Variants in WDR81 observed in about 807,000 individuals in gnomAD.
The protein encoded by WDR81 is WD repeat domain 81.
A neutral mutation model predicts 140.8 loss-of-function variants in WDR81; 92 were observed. The observed-to-expected ratio is 0.65, with a 90% CI of 0.55 to 0.78. The LOEUF is 0.78. Ranked by LOEUF, WDR81 falls within the 30% of genes least tolerant of loss-of-function variation. WDR81 has a pLI of 0.00. For missense variants in WDR81, 2,502 were observed against 2,636.4 expected (o/e 0.95, Z 1.12); for synonymous variants, 1,183 against 1,156.4 (o/e 1.02, Z -0.47).
At position 1,726,480 on chromosome 17, in the gene WDR81, C is replaced by A; in HGVS notation, c.1521C>A (p.Pro507=). ...CCTCTATCTTCCGCTCCATCCACCC[C>A]GACATGCCTGACCTGGATGTGCCAG... The part of the protein sequence containing the change: ...TDPSIFRSIH[P]DMPDLDVPAW... The change falls in exon 1 of 10, where the codon CCC becomes CCA. Residue 507 remains proline (P), a synonymous_variant. Transcript: ENST00000409644. 1 of 1,550,584 alleles carries A rather than the reference C, an allele frequency of 6.4e-7. No homozygotes were observed. The highest frequency in any genetic ancestry group is 8.7e-7 in the Non-Finnish European group (1 of 1,147,028).
In WDR81 at chr17:1,727,422, G is replaced by T; in HGVS notation, c.2463G>T (p.Val821=). 6.4e-7 allele frequency: 1 copy of T among 1,550,398 alleles called. No homozygotes were observed. Among genetic ancestry groups the T allele is most frequent in the Non-Finnish European group, 8.7e-7 (1 of 1,147,002 alleles). The change falls in exon 1 of 10, where the codon GTG becomes GTT. Residue 821 remains valine, a synonymous_variant. Transcript: ENST00000409644. ...PKEVPVSLQP[V]LDTLLQMSGP... Reference sequence around the variant, plus strand: ...AGGTCCCTGTGTCTTTGCAGCCCGTGCTGGACACACTCCTGCAGATGAGTG... The same window carrying T: ...AGGTCCCTGTGTCTTTGCAGCCCGTTCTGGACACACTCCTGCAGATGAGTG...
At chr17:1,730,576 AC>A in intron 2 of WDR81, 89 bp downstream of exon 2, 1 of 1,429,744 alleles carries the variant, frequency 7.0e-7, no homozygotes, top group Non-Finnish European at 9.5e-7. Context: ...GATCCTTCCC[AC>A]CCCTCCCTCA....
Position 1,725,999 on chromosome 17 carries a change from G to A in WDR81, c.1040G>A (p.Ser347Asn), listed in dbSNP as rs780325216. Reference protein sequence around the residue: ...GQPTGQEELRSLVLDWVHGRI... With the variant: ...GQPTGQEELRNLVLDWVHGRI... Reference sequence around the variant, plus strand: ...CCCACTGGCCAGGAGGAACTTCGGAGCCTCGTGCTAGATTGGGTCCACGGC... The same window carrying A: ...CCCACTGGCCAGGAGGAACTTCGGAACCTCGTGCTAGATTGGGTCCACGGC... The change falls in exon 1 of 10, where the codon AGC becomes AAC. Residue 347 changes from serine (S) to asparagine (N), a missense_variant. By Grantham distance (46) the Ser-to-Asn change is conservative (BLOSUM62 1). Coordinates refer to ENST00000409644, the MANE Select transcript of WDR81 (RefSeq NM_001163809.2). 1.3e-6 allele frequency: 2 copies of A among 1,548,344 alleles called. No individual in the cohort carries two copies. Among genetic ancestry groups the A allele is most frequent in the Middle Eastern group, 1.7e-4 (1 of 5,986 alleles).
intron 9 of WDR81, among the ~76,000 whole-genome samples, chr17:1,737,126 G>T (rs1364415606): frequency 6.6e-6 from 1 of 152,188 alleles, no homozygotes; most frequent in African/African-American, 2.4e-5. Context: ...TCACGTGCAC[G>T]CCTGGCACCA....
chr17:1,726,862 C>G lies in WDR81; in HGVS notation c.1903C>G (p.Arg635Gly), dbSNP rs759326308. The change falls in exon 1 of 10, where the codon CGG becomes GGG. Residue 635 changes from arginine to glycine, a missense_variant. Physicochemically the swap from Arg to Gly is moderately radical, Grantham distance 125. Coordinates refer to ENST00000409644, the MANE Select transcript of WDR81 (RefSeq NM_001163809.2). ...GGGACAGCTTCCAAATGGAGTGGGC[C>G]GGCCAGTTTTAGAGGCCACTCCCTG... ...NPGQLPNGVG[R>G]PVLEATPCEA... 8.4e-6 allele frequency: 13 copies of G among 1,550,198 alleles called. No individual in the cohort carries two copies. The highest frequency in any genetic ancestry group is 1.4e-5 in the African/African-American group (1 of 73,044).
rs111744380 is a variant in WDR81, at chr17:1,737,562, G to T, written c.5703G>T (p.Ser1901=). The change falls in exon 10 of 10, where the codon TCG becomes TCT. Residue 1901 remains serine, a synonymous_variant. Transcript: ENST00000409644. ...TCTGCTCCCTGCTTGAGCCACCCTCGCAGGCCACCACGAAGCTCAGCTCTG... is the reference window on the plus strand; with the variant it reads ...TCTGCTCCCTGCTTGAGCCACCCTCTCAGGCCACCACGAAGCTCAGCTCTG... ...IGVCSLLEPP[S]QATTKLSSEN... 1.1e-5 allele frequency: 18 copies of T among 1,612,748 alleles called. No individual in the cohort carries two copies. Among genetic ancestry groups the T allele is most frequent in the East Asian group, 2.2e-5 (1 of 44,896 alleles).
In WDR81 at chr17:1,729,206, G is replaced by A. The variant is rs530774310; in HGVS notation, c.3667+580G>A. ...GCAACATGGAGCTTTTCGGCCGGGC[G>A]CCGTGGCTCACGCCTCTAATCCCAG... On this transcript the variant is annotated intron_variant, in intron 1 of 9. Coordinates refer to ENST00000409644, the MANE Select transcript of WDR81 (RefSeq NM_001163809.2). Among the ~76,000 whole-genome samples the A allele has an allele frequency of 9.9e-5, 15 of 151,756 alleles. No homozygotes were observed. The South Asian group carries it at 1.5e-3, about 15-fold the overall frequency.
exon 1 of WDR81, chr17:1,716,627 G>A: frequency 1.9e-6 from 3 of 1,551,694 alleles, no homozygotes; most frequent in South Asian, 1.2e-5. Context: ...AGAACCCAGC[G>A]CGCTCTGTGA....
chr17:1,731,211 T>C lies in WDR81; in HGVS notation c.4110T>C (p.His1370=), dbSNP rs1904322223. 6.2e-7 allele frequency: 1 copy of C among 1,613,156 alleles called. No homozygotes were observed. Among genetic ancestry groups the C allele is most frequent in the African/African-American group, 1.3e-5 (1 of 74,904 alleles). ...TGGACATCCTGCCCCGGATCAGCCA[T>C]GAGGTCCTGCTGCCCGTGCTCAGCT... ...TLMDILPRIS[H]EVLLPVLSFL... is the part of the protein sequence containing the mutation. Residue 1370 remains histidine, a synonymous_variant, in exon 4 of 10, where the codon CAT becomes CAC. Coordinates refer to ENST00000409644, the MANE Select transcript of WDR81 (RefSeq NM_001163809.2).
In WDR81 at chr17:1,725,368, C is replaced by G; in HGVS notation, c.409C>G (p.Arg137Gly). Residue 137 changes from arginine to glycine, a missense_variant, in exon 1 of 10, where the codon CGC (arginine) becomes GGC (glycine). By Grantham distance (125) the Arg-to-Gly change is moderately radical. Coordinates refer to ENST00000409644, the MANE Select transcript of WDR81 (RefSeq NM_001163809.2). Reference protein sequence around the residue: ...DGSCGPETLTRFMQEVAAQNY... With the variant: ...DGSCGPETLTGFMQEVAAQNY... Reference sequence around the variant, plus strand: ...GTCCTGCGGCCCTGAGACCCTCACTCGCTTCATGCAGGAGGTTGCCGCCCA... The same window carrying G: ...GTCCTGCGGCCCTGAGACCCTCACTGGCTTCATGCAGGAGGTTGCCGCCCA... 2 of 1,549,484 alleles carry G rather than the reference C, an allele frequency of 1.3e-6. No homozygotes were observed. Among genetic ancestry groups the G allele is most frequent in the South Asian group, 1.2e-5 (1 of 84,066 alleles).
At chr17:1,728,773 G>A (rs1915480547) in intron 1 of WDR81, 147 bp downstream of exon 1, 2 of 1,122,198 alleles carry the variant, frequency 1.8e-6, no homozygotes, top group Admixed American at 3.5e-5. Flanking sequence ...ATAACAAGGT[G>A]AAACCCCGTC....
intron 1 of WDR81, chr17:1,716,681 C>A: frequency 6.5e-7 from 1 of 1,544,162 alleles, no homozygotes; most frequent in African/African-American, 1.4e-5. Context: ...CCGGGGAAGT[C>A]CTTAAAGGGC....
chr17:1,738,044 C>G lies in WDR81; in HGVS notation c.*359C>G. 2.9e-6 allele frequency: 1 copy of G among 346,352 alleles called. No homozygotes were observed. Among genetic ancestry groups the G allele is most frequent in the South Asian group, 3.5e-5 (1 of 28,190 alleles). The allele number at this position is 346,352 out of a possible 1,614,324, so 21.5% of individuals were successfully genotyped here. On this transcript the variant is annotated 3_prime_UTR_variant, in exon 10 of 10. Transcript: ENST00000409644. ...AAGGGGAAGGGAGACTGGCCCTGCC[C>G]AGCCGGTCTCTAGCCCCTCAGCCCC...
chr17:1,729,360 A>G (rs903174126), intron 1 of WDR81, among the ~76,000 whole-genome samples: 1 of 151,760 alleles, frequency 6.6e-6, no homozygotes, highest in Admixed American at 6.6e-5. Context: ...GGCACCTGTA[A>G]TCCCAGCTAT....
chr17:1,730,990 C>A lies in WDR81; in HGVS notation c.3966+45C>A, dbSNP rs370994959. 2.3e-5 allele frequency: 37 copies of A among 1,605,594 alleles called. No homozygotes were observed. In the African/African-American group the frequency reaches 4.3e-4, roughly 19 times the overall value. On this transcript the variant is annotated intron_variant, in intron 3 of 9. Coordinates refer to ENST00000409644, the MANE Select transcript of WDR81 (RefSeq NM_001163809.2). ...GGCCCGGGGCTGGGAAGGCTGAGGA[C>A]CTGAGGGCCGGCCCGGGCTCTCTTG...
At chr17:1,730,530 C>T (rs1279550448) in intron 2 of WDR81, 43 bp downstream of exon 2, 1 of 1,572,484 alleles carries the variant, frequency 6.4e-7, no homozygotes, top group Non-Finnish European at 8.7e-7. Context: ...GGCTTTCTCC[C>T]AGGCCCTCTG....
chr17:1,737,522 CCAA>C lies in WDR81; in HGVS notation c.5667_5669del (p.Asn1889del), dbSNP rs764898909. The C allele has an allele frequency of 6.2e-7, 1 of 1,613,120 alleles. No homozygotes were observed. Among genetic ancestry groups the C allele is most frequent in the East Asian group, 2.2e-5 (1 of 44,890 alleles). On this transcript the variant is annotated inframe_deletion, in exon 10 of 10. Coordinates refer to ENST00000409644, the MANE Select transcript of WDR81 (RefSeq NM_001163809.2). ...AGCGAGGTGGTCACTGGCACCGTGTCCAACAAGATTGGCGTCTGCTCCCTGCTT... is the reference window on the plus strand; with the variant it reads ...AGCGAGGTGGTCACTGGCACCGTGTCCAAGATTGGCGTCTGCTCCCTGCTT...
Position 1,725,595 on chromosome 17 carries a change from C to G in WDR81, c.636C>G (p.Ser212Arg), listed in dbSNP as rs1190028037. The G allele has an allele frequency of 1.3e-6, 2 of 1,545,048 alleles. No homozygotes were observed. The highest frequency in any genetic ancestry group is 3.9e-5 in the Admixed American group (2 of 50,982). ...AREGPCPPRG[S>R]PACPSLLRAE... Reference sequence around the variant, plus strand: ...AAGGCCCCTGCCCCCCTCGGGGCAGCCCTGCTTGCCCTAGTCTTTTACGGG... The same window carrying G: ...AAGGCCCCTGCCCCCCTCGGGGCAGGCCTGCTTGCCCTAGTCTTTTACGGG... The change falls in exon 1 of 10, where the codon AGC becomes AGG. Residue 212 changes from serine (S) to arginine (R), a missense_variant. By Grantham distance (110) the Ser-to-Arg change is moderately radical. This residue lies in a region of WDR81 where 547 missense variants were observed against 513.8 expected (regional missense o/e 1.06). Coordinates refer to ENST00000409644, the MANE Select transcript of WDR81 (RefSeq NM_001163809.2).
At position 1,736,059 on chromosome 17, in the gene WDR81, T is replaced by C. The variant is rs373518682; in HGVS notation, c.5346T>C (p.Gly1782=). 6 of 1,599,396 alleles carry C rather than the reference T, an allele frequency of 3.8e-6. No individual in the cohort carries two copies. Among genetic ancestry groups the C allele is most frequent in the African/African-American group, 2.7e-5 (2 of 74,834 alleles). Residue 1782 remains glycine, a synonymous_variant, in exon 9 of 10, where the codon GGT becomes GGC. Coordinates refer to ENST00000409644, the MANE Select transcript of WDR81 (RefSeq NM_001163809.2). ...TGCAGCACGAGTTCCGACTGGGCGG[T>C]GGGCTGAACCCTGGGCTTGTCCGTG... The part of the protein sequence containing the change: ...PGLQHEFRLG[G]GLNPGLVRAL...
Sources: gnomAD v4.1 joint callset for allele counts (sites outside exome capture counted in the v4.1 genomes callset) on GRCh38, gnomAD v4.1.1 for gene constraint, gnomAD v4.1.1 regional missense constraint, MANE v1.5 for transcripts, NCBI Gene and HGNC (gene_info 2026-07-23, HGNC 2026-07-21) for gene names.